The following KLK3 variants were observed in gnomAD, a reference collection of about 807,000 sequenced individuals.
KLK3 encodes the protein kallikrein related peptidase 3, also known as prostate-specific antigen.
KLK3 carries 23 observed loss-of-function variants against 27.7 expected under a neutral mutation model. That is an observed-to-expected ratio of 0.83 (90% CI 0.60 to 1.17). The LOEUF (loss-of-function observed/expected upper bound fraction) is 1.17, where lower values mean the gene tolerates loss of function less well. KLK3 is among the 50% of genes most tolerant of loss of function. The pLI is 0.00. For synonymous variants in KLK3, 142 were observed against 134.2 expected, an observed-to-expected ratio of 1.06 and a Z score of -0.40; for missense variants, 322 against 338.1, an observed-to-expected ratio of 0.95 and a Z score of 0.37.
At position 50,860,409 on chromosome 19, in the gene KLK3, A is replaced by G. The variant is rs1289720693; in HGVS notation, c.*282A>G. The G allele has an allele frequency of 2.6e-5, 8 of 304,188 alleles. No homozygotes were observed. The highest frequency in any genetic ancestry group is 1.3e-4 in the African/African-American group (6 of 47,012). The allele number at this position is 304,188 out of a possible 1,614,324, so 18.8% of individuals were successfully genotyped here. A position where few individuals can be genotyped will look rare whatever the true frequency, so the allele number is the denominator to read the frequency against. On this transcript the variant is annotated 3_prime_UTR_variant, in exon 5 of 5. Coordinates refer to ENST00000326003, the MANE Select transcript of KLK3 (RefSeq NM_001648.2). ...GGTGTCTGTGTTATTTGTGGGGTAC[A>G]GAGATGAAAGAGGGGTGGGATCCAC...
intron 1 of KLK3, 93 bp downstream of exon 1, chr19:50,855,094 C>T: frequency 7.6e-7 from 1 of 1,321,564 alleles, no homozygotes; most frequent in Non-Finnish European, 1.1e-6. Context: ...GCACCCCAGC[C>T]CAGACAGGGA....
At chr19:50,858,381 G>C (rs759746349) in intron 3 of KLK3, 66 bp downstream of exon 3, 1 of 1,605,572 alleles carries the variant, frequency 6.2e-7, no homozygotes, top group South Asian at 1.1e-5. Context: ...GAGGGGACAG[G>C]ACTCCTAGGT....
intron 4 of KLK3, among the ~76,000 whole-genome samples, chr19:50,859,172 G>A (rs1283509933): frequency 6.6e-6 from 1 of 152,128 alleles, no homozygotes; most frequent in Non-Finnish European, 1.5e-5. Context: ...CAGAGAGGAG[G>A]TTGCCTGGCT....
intron 4 of KLK3, 121 bp from the exon 5 acceptor site, chr19:50,859,850 CT>C: frequency 6.6e-7 from 1 of 1,506,498 alleles, no homozygotes; most frequent in Non-Finnish European, 8.9e-7. Context: ...GGAGACATTT[CT>C]CTCTTCTTCC....
At position 50,860,553 on chromosome 19, in the gene KLK3, T is replaced by G. The variant is rs2090179265; in HGVS notation, c.*426T>G. On this transcript the variant is annotated 3_prime_UTR_variant, in exon 5 of 5. Transcript: ENST00000326003. Reference sequence around the variant, plus strand: ...ATGGAGCTGAAAACATAACCCACTCTGTCCTGGAGGCACTGGGAAGCCTAG... The same window carrying G: ...ATGGAGCTGAAAACATAACCCACTCGGTCCTGGAGGCACTGGGAAGCCTAG... 1 of 154,114 alleles carries G rather than the reference T, an allele frequency of 6.5e-6. No individual in the cohort carries two copies. Among genetic ancestry groups the G allele is most frequent in the Admixed American group, 6.5e-5 (1 of 15,440 alleles). 9.5% of individuals were successfully genotyped at this position (154,114 alleles called of 1,614,324 possible).
At chr19:50,856,717 TC>T in intron 2 of KLK3, 1 of 292,790 alleles carries the variant, frequency 3.4e-6, no homozygotes, top group Non-Finnish European at 6.4e-6. Context: ...TCTCCATATC[TC>T]CCCCTCTCTC....
intron 1 of KLK3, chr19:50,855,219 G>C: frequency 1.8e-6 from 1 of 566,014 alleles, no homozygotes; most frequent in Non-Finnish European, 3.1e-6. Flanking sequence ...ACTTACCCCA[G>C]AACTTTCTCC....
Position 50,858,491 on chromosome 19 carries a change from C to A in KLK3, c.526C>A (p.Leu176Ile), listed in dbSNP as rs1450063773. The part of the protein sequence containing the change: ...LTPKKLQCVD[L>I]HVISNDVCAQ... Reference sequence around the variant, plus strand: ...CCCAAAGAAACTTCAGTGTGTGGACCTCCATGTTATTTCCAATGACGTGTG... The same window carrying A: ...CCCAAAGAAACTTCAGTGTGTGGACATCCATGTTATTTCCAATGACGTGTG... Residue 176 changes from leucine to isoleucine, a missense_variant, in exon 4 of 5, where the codon CTC (leucine) becomes ATC (isoleucine). By Grantham distance (5) the Leu-to-Ile change is conservative. Coordinates refer to ENST00000326003, the MANE Select transcript of KLK3 (RefSeq NM_001648.2). 3 of 1,614,206 alleles carry A rather than the reference C, an allele frequency of 1.9e-6. No individual in the cohort carries two copies. The highest frequency in any genetic ancestry group is 2.2e-5 in the South Asian group (2 of 91,080).
chr19:50,855,048 T>G (rs1351413277), intron 1 of KLK3, 47 bp downstream of exon 1: 7 of 1,597,662 alleles, frequency 4.4e-6, no homozygotes, highest in Non-Finnish European at 6.0e-6. Context: ...GAGCCAGCCC[T>G]GACTGTCAAG....
intron 4 of KLK3, chr19:50,859,052 A>G: frequency 4.4e-6 from 1 of 227,710 alleles, no homozygotes. Context: ...AGAAGGCGGG[A>G]GTGAGCAAAC....
rs772699340 is a variant in KLK3, at chr19:50,858,148, G to A, written c.326G>A (p.Arg109Gln). ...TACGATATGAGCCTCCTGAAGAATC[G>A]ATTCCTCAGGCCAGGTGATGACTCC... ...PLYDMSLLKN[R>Q]FLRPGDDSSH... is the part of the protein sequence containing the mutation. The change falls in exon 3 of 5, where the codon CGA becomes CAA. Residue 109 changes from arginine to glutamine, a missense_variant. Transcript: ENST00000326003. 29 of 1,613,990 alleles carry A rather than the reference G, an allele frequency of 1.8e-5. No individual in the cohort carries two copies. The highest frequency in any genetic ancestry group is 1.3e-4 in the Admixed American group (8 of 59,996).
In KLK3 at chr19:50,858,017, C is replaced by T. The variant is rs1199052426; in HGVS notation, c.207-12C>T. On this transcript the variant is annotated splice_polypyrimidine_tract_variant and intron_variant, in intron 2 of 4. Transcript: ENST00000326003. The stretch of plus-strand genomic sequence containing the variant: ...TCCTCGCTCCTCATTCCTGCGTCTG[C>T]TTCCTCCCCAGCAAAAGCGTGATCT... The T allele has an allele frequency of 1.3e-5, 20 of 1,599,240 alleles. No homozygotes were observed. The highest frequency in any genetic ancestry group is 1.7e-5 in the Non-Finnish European group (20 of 1,174,156).
rs532510535 is a variant in KLK3 at position 50,855,966 on chromosome 19, G to A, written c.47-274G>A. 449 of 364,184 alleles carry A rather than the reference G, an allele frequency of 1.2e-3. 1 individual carries two copies. The highest frequency in any genetic ancestry group is 5.8e-3 in the Admixed American group (129 of 22,398). 22.6% of individuals were successfully genotyped at this position (364,184 alleles called of 1,614,324 possible). ...CCCAGACTCAAGATATGGTCTGGGC[G>A]CTGTCTTGTGTCTCCTACCCTGATC... On this transcript the variant is annotated intron_variant, in intron 1 of 4. Transcript: ENST00000326003.
chr19:50,860,001 T>C lies in KLK3; in HGVS notation c.660T>C (p.Asn220=), dbSNP rs754464009. The part of the protein sequence containing the change: ...SGDSGGPLVC[N]GVLQGITSWG... ...ATTCTGGGGGCCCACTTGTCTGTAA[T>C]GGTGTGCTTCAAGGTATCACGTCAT... The change falls in exon 5 of 5, where the codon AAT becomes AAC. Residue 220 remains asparagine (N), a synonymous_variant. Transcript: ENST00000326003. 30 of 1,613,852 alleles carry C rather than the reference T, an allele frequency of 1.9e-5. No individual in the cohort carries two copies. In the African/African-American group the frequency reaches 4.0e-4, roughly 22 times the overall value.
At chr19:50,855,239 A>G (rs1302313375) in intron 1 of KLK3, 2 of 556,276 alleles carry the variant, frequency 3.6e-6, no homozygotes, top group South Asian at 2.3e-5. Context: ...CCCATTGCCC[A>G]GCCAGCTCCC....
At chr19:50,858,697 C>A in intron 4 of KLK3, 102 bp downstream of exon 4, 1 of 1,360,146 alleles carries the variant, frequency 7.4e-7, no homozygotes, top group Non-Finnish European at 1.0e-6. Context: ...CTCCCCTGCT[C>A]CCCAGCTGTA....
chr19:50,856,301 A>T lies in KLK3; in HGVS notation c.108A>T (p.Gln36His), dbSNP rs2090146661. 1 of 1,613,204 alleles carries T rather than the reference A, an allele frequency of 6.2e-7. No homozygotes were observed. The highest frequency in any genetic ancestry group is 1.1e-5 in the South Asian group (1 of 91,034). Residue 36 changes from glutamine to histidine, a missense_variant, in exon 2 of 5, where the codon CAA becomes CAT. Gln to His is a conservative substitution (Grantham distance 24, BLOSUM62 0). Transcript: ENST00000326003. Reference protein sequence around the residue: ...VGGWECEKHSQPWQVLVASRG... With the variant: ...VGGWECEKHSHPWQVLVASRG... ...GCTGGGAGTGCGAGAAGCATTCCCA[A>T]CCCTGGCAGGTGCTTGTGGCCTCTC...
In KLK3 at chr19:50,859,875, G is replaced by A. The variant is rs559356703; in HGVS notation, c.631-97G>A. ...CTCTCTTCTTCCAAAGCTGGGAACTGCTATCTGTTATCTGCCTGTCCAGGT... is the reference window on the plus strand; with the variant it reads ...CTCTCTTCTTCCAAAGCTGGGAACTACTATCTGTTATCTGCCTGTCCAGGT... On this transcript the variant is annotated intron_variant, in intron 4 of 4. Transcript: ENST00000326003. 6.2e-5 allele frequency: 94 copies of A among 1,518,144 alleles called. No individual in the cohort carries two copies. In the African/African-American group the frequency reaches 1.1e-3, roughly 18 times the overall value. The allele number at this position is 1,518,144 out of a possible 1,614,324, so 94.0% of individuals were successfully genotyped here.
chr19:50,859,623 A>C (rs778955963), intron 4 of KLK3: 1 of 1,612,922 alleles, frequency 6.2e-7, no homozygotes, highest in African/African-American at 1.3e-5. Context: ...CTAGTCAGAG[A>C]GTAGTCCTGG....
Sources: gnomAD v4.1 joint callset for allele counts (sites outside exome capture counted in the v4.1 genomes callset) on GRCh38, gnomAD v4.1.1 for gene constraint, MANE v1.5 for transcripts, NCBI Gene and HGNC (gene_info 2026-07-23, HGNC 2026-07-21) for gene names.